Variants in DLG1 observed in about 807,000 individuals in gnomAD.
DLG1 encodes the protein discs large MAGUK scaffold protein 1.
In DLG1, 42 loss-of-function variants were observed where a neutral mutation model predicts 123.4. The ratio of observed to expected loss-of-function variants is 0.34; its 90% CI spans 0.27 to 0.44. The LOEUF (loss-of-function observed/expected upper bound fraction) is 0.44, where lower values mean the gene tolerates loss of function less well. Ranked by LOEUF, DLG1 falls within the 20% of genes least tolerant of loss-of-function variation. The probability of loss-of-function intolerance (pLI) is 1.00; values close to 1 mark genes in which losing one functional copy is unlikely to be tolerated. For missense variants in DLG1, 942 were observed against 1,082.6 expected (o/e 0.87, Z 1.82); for synonymous variants, 317 against 356.2 (o/e 0.89, Z 1.24).
At chr3:197,143,866 C>G (rs6804327) in intron 6 of DLG1, among the ~76,000 whole-genome samples, 35,746 of 152,052 alleles carry the variant, frequency 0.24, 5,395 homozygotes, top group East Asian at 0.71. Flanking sequence ...ATATCTTGGT[C>G]ACAATTTATC....
intron 4 of DLG1, among the ~76,000 whole-genome samples, chr3:197,202,216 A>T (rs147113902): frequency 1.3e-5 from 2 of 152,340 alleles, no homozygotes; most frequent in South Asian, 4.1e-4. Context: ...GATAACAATA[A>T]ATGTAACTGT....
intron 4 of DLG1, among the ~76,000 whole-genome samples, chr3:197,237,568 A>C (rs1424715950): frequency 6.6e-6 from 1 of 152,240 alleles, no homozygotes; most frequent in Non-Finnish European, 1.5e-5. Context: ...CAGGTAGCCT[A>C]GAATTCCACT....
At chr3:197,212,652 T>C (rs1166742453) in intron 4 of DLG1, among the ~76,000 whole-genome samples, 2 of 152,224 alleles carry the variant, frequency 1.3e-5, no homozygotes, top group Non-Finnish European at 2.9e-5. Context: ...TCTTCCTTTT[T>C]ATAAGCACAC....
At chr3:197,287,756 TA>T (rs1167109634) in intron 3 of DLG1, among the ~76,000 whole-genome samples, 1 of 152,186 alleles carries the variant, frequency 6.6e-6, no homozygotes, top group East Asian at 1.9e-4. Flanking sequence ...GAAAAATGAC[TA>T]AAGGTATATT....
At chr3:197,281,522 G>C (rs1462755571) in intron 4 of DLG1, among the ~76,000 whole-genome samples, 3 of 152,128 alleles carry the variant, frequency 2.0e-5, no homozygotes, top group Admixed American at 6.5e-5. Flanking sequence ...ATTTGAAATA[G>C]ACCTCAGACT....
intron 5 of DLG1, among the ~76,000 whole-genome samples, chr3:197,193,476 C>T (rs1293876611): frequency 6.6e-6 from 1 of 152,136 alleles, no homozygotes; most frequent in African/African-American, 2.4e-5. Context: ...TATATATAAC[C>T]TGTGTTTTTA....
chr3:197,261,048 A>G (rs1759197362), intron 4 of DLG1, among the ~76,000 whole-genome samples: 1 of 152,156 alleles, frequency 6.6e-6, no homozygotes, highest in African/African-American at 2.4e-5. Context: ...CATTTCACTG[A>G]TCCCCCACAC....
intron 1 of DLG1, chr3:197,297,505 G>A (rs1230690480): frequency 2.4e-6 from 3 of 1,228,958 alleles, no homozygotes; most frequent in Non-Finnish European, 3.1e-6. Flanking sequence ...CTAGACCTGA[G>A]GCCGCCTCTT....
chr3:197,043,230 AACAC>A lies in DLG1; in HGVS notation c.*1389_*1392del. ...GTGGATGAAAGCTGTCTGAGGGGAA[AACAC>A]ACACATAAATGGGGCTTTTGCCTGC... On this transcript the variant is annotated 3_prime_UTR_variant, in exon 25 of 25. Transcript: ENST00000667157. 6.6e-6 allele frequency: 1 copy of A among 152,278 alleles called. No homozygotes were observed. Among genetic ancestry groups the A allele is most frequent in the Non-Finnish European group, 1.5e-5 (1 of 68,016 alleles). The allele number at this position is 152,278 out of a possible 1,614,324, so 9.4% of individuals were successfully genotyped here.
At chr3:197,181,034 G>C (rs1466484872) in intron 5 of DLG1, among the ~76,000 whole-genome samples, 1 of 152,084 alleles carries the variant, frequency 6.6e-6, no homozygotes, top group African/African-American at 2.4e-5. Context: ...ACTTCCTCCT[G>C]AGTTCCAGTA....
At chr3:197,230,230 A>C (rs1230683504) in intron 4 of DLG1, among the ~76,000 whole-genome samples, 3 of 152,236 alleles carry the variant, frequency 2.0e-5, no homozygotes, top group Non-Finnish European at 2.9e-5. Flanking sequence ...TGCACTACTC[A>C]AAACTGCCTG....
intron 4 of DLG1, among the ~76,000 whole-genome samples, chr3:197,262,691 C>A (rs778203760): frequency 3.9e-5 from 6 of 152,100 alleles, no homozygotes; most frequent in Non-Finnish European, 7.4e-5. Context: ...ACTGTATTTA[C>A]GTAGAGACTA....
At chr3:197,294,363 T>C (rs977307394) in intron 3 of DLG1, among the ~76,000 whole-genome samples, 2 of 150,540 alleles carry the variant, frequency 1.3e-5, no homozygotes, top group African/African-American at 2.4e-5. Flanking sequence ...AAGCTAACTC[T>C]AGGCCAGACG....
chr3:197,225,266 C>T (rs113287377), intron 4 of DLG1, among the ~76,000 whole-genome samples: 16 of 152,284 alleles, frequency 1.1e-4, no homozygotes, highest in African/African-American at 3.8e-4. Flanking sequence ...CTCTTTGTTC[C>T]ATCTAATATT....
intron 5 of DLG1, among the ~76,000 whole-genome samples, chr3:197,157,644 A>T (rs1006211345): frequency 1.3e-5 from 2 of 152,214 alleles, no homozygotes; most frequent in Non-Finnish European, 2.9e-5. Context: ...ACTTAATGCA[A>T]TTCCTATCAA....
intron 5 of DLG1, among the ~76,000 whole-genome samples, chr3:197,187,567 C>T (rs1290281500): frequency 1.3e-5 from 2 of 152,134 alleles, no homozygotes; most frequent in Non-Finnish European, 2.9e-5. Context: ...ATAGTTTGAG[C>T]ATAATTTTCC....
intron 18 of DLG1, chr3:197,075,997 A>C (rs947103420): frequency 1.8e-5 from 11 of 595,804 alleles, no homozygotes; most frequent in Non-Finnish European, 3.0e-5. Flanking sequence ...CATATATCTT[A>C]CAGAGCATTT....
intron 5 of DLG1, among the ~76,000 whole-genome samples, chr3:197,151,381 T>A (rs1793771152): frequency 6.6e-6 from 1 of 152,180 alleles, no homozygotes; most frequent in Admixed American, 6.5e-5. Context: ...TGTTAGCTGT[T>A]TATCAGTACC....
chr3:197,202,759 CTG>C (rs1015743431), intron 4 of DLG1, among the ~76,000 whole-genome samples: 2 of 152,114 alleles, frequency 1.3e-5, no homozygotes, highest in African/African-American at 4.8e-5. Flanking sequence ...AACCAGAAAA[CTG>C]TAAAAGAATT....
Sources: gnomAD v4.1 joint callset for allele counts (sites outside exome capture counted in the v4.1 genomes callset) on GRCh38, gnomAD v4.1.1 for gene constraint, MANE v1.5 for transcripts, NCBI Gene and HGNC (gene_info 2026-07-23, HGNC 2026-07-21) for gene names.